RERE: variants seen among roughly 807,000 people sequenced by gnomAD.
The protein encoded by RERE is arginine-glutamic acid dipeptide repeats protein.
A neutral mutation model predicts 146.1 loss-of-function variants in RERE; 40 were observed. The ratio of observed to expected loss-of-function variants is 0.27; its 90% CI spans 0.21 to 0.36. The LOEUF (loss-of-function observed/expected upper bound fraction) is 0.36, where lower values mean the gene tolerates loss of function less well. Among genes scored for constraint, RERE ranks in the 10% least tolerant of loss-of-function variants. The pLI, the probability that RERE is intolerant of heterozygous loss-of-function variation, is 1.00. For synonymous variants in RERE, 1,003 were observed against 866.0 expected (o/e 1.16, Z -2.78); for missense variants, 1,933 against 2,138.7 (o/e 0.90, Z 1.90).
At chr1:8,795,450 A>C (rs566854077) in intron 1 of RERE, among the ~76,000 whole-genome samples, 3 of 152,142 alleles carry the variant, frequency 2.0e-5, no homozygotes. Context: ...GACATGCCAC[A>C]TATCCAGCAT....
At chr1:8,724,894 C>G (rs1305150382) in intron 1 of RERE, among the ~76,000 whole-genome samples, 1 of 96,536 alleles carries the variant, frequency 1.0e-5, no homozygotes, top group Admixed American at 1.0e-4. Flanking sequence ...AAAAAAACAA[C>G]TCAACCTTCT....
At chr1:8,672,877 C>T (rs888530357) in intron 1 of RERE, among the ~76,000 whole-genome samples, 1 of 152,088 alleles carries the variant, frequency 6.6e-6, no homozygotes, top group Non-Finnish European at 1.5e-5. Context: ...CAAACAAAAT[C>T]TTTAATACTA....
At chr1:8,582,084 A>G (rs1646373335) in intron 4 of RERE, among the ~76,000 whole-genome samples, 1 of 152,336 alleles carries the variant, frequency 6.6e-6, no homozygotes, top group Admixed American at 6.5e-5. Context: ...TAAAATGTAT[A>G]TAACAAAAAT....
At chr1:8,434,907 A>G (rs1247465449) in intron 11 of RERE, 2 of 152,188 alleles carry the variant, frequency 1.3e-5, no homozygotes, top group Admixed American at 1.3e-4. Flanking sequence ...ACCTCCTATC[A>G]CTTGACTGCA....
intron 8 of RERE, among the ~76,000 whole-genome samples, chr1:8,503,063 G>T (rs1645199428): frequency 6.7e-6 from 1 of 148,384 alleles, no homozygotes; most frequent in Admixed American, 6.7e-5. Flanking sequence ...CCCTCTGCGA[G>T]AAACACCCAA....
At chr1:8,709,937 G>T (rs1639633762) in intron 1 of RERE, among the ~76,000 whole-genome samples, 1 of 152,108 alleles carries the variant, frequency 6.6e-6, no homozygotes, top group African/African-American at 2.4e-5. Flanking sequence ...TCTTATTCTG[G>T]TTTTTGTTGG....
At chr1:8,780,458 T>C (rs1470275360) in intron 1 of RERE, among the ~76,000 whole-genome samples, 1 of 152,222 alleles carries the variant, frequency 6.6e-6, no homozygotes, top group African/African-American at 2.4e-5. Flanking sequence ...CATCCATTTT[T>C]AACTCTAGGA....
chr1:8,495,013 C>T, intron 10 of RERE, 50 bp downstream of exon 10: 1 of 1,306,732 alleles, frequency 7.7e-7, no homozygotes. Context: ...ACAGCCAGTT[C>T]AGGGGAAAAA....
chr1:8,500,405 G>C (rs567145549), intron 8 of RERE, among the ~76,000 whole-genome samples: 7 of 152,372 alleles, frequency 4.6e-5, no homozygotes, highest in African/African-American at 1.7e-4. Context: ...TGGAGACGGG[G>C]TTTTGCTGTG....
At chr1:8,565,211 A>T (rs1348377048) in intron 4 of RERE, among the ~76,000 whole-genome samples, 1 of 152,122 alleles carries the variant, frequency 6.6e-6, no homozygotes, top group African/African-American at 2.4e-5. Flanking sequence ...TTGGTAAGAG[A>T]GTAAATTTCA....
At chr1:8,514,602 G>A (rs1645387660) in intron 7 of RERE, among the ~76,000 whole-genome samples, 1 of 151,958 alleles carries the variant, frequency 6.6e-6, no homozygotes, top group African/African-American at 2.4e-5. Context: ...GGTGGTGTGT[G>A]CCTGAATCCT....
intron 12 of RERE, among the ~76,000 whole-genome samples, chr1:8,381,739 G>C (rs1229203084): frequency 1.3e-5 from 2 of 152,216 alleles, no homozygotes; most frequent in African/African-American, 4.8e-5. Flanking sequence ...AGTGTGAAAT[G>C]AGAACAAGAG....
intron 8 of RERE, among the ~76,000 whole-genome samples, chr1:8,501,316 C>T (rs1570349757): frequency 8.2e-6 from 1 of 121,468 alleles, no homozygotes; most frequent in East Asian, 2.6e-4. Flanking sequence ...GCCAGCCGCC[C>T]CGTCCGGGAG....
chr1:8,358,855 T>C lies in RERE; in HGVS notation c.3680A>G (p.His1227Arg), dbSNP rs1223662718. ...TGGTGGCTCGAAGGATGGCCGCATG[T>C]GGCCAGGACCACTGAGCTGTGGGTC... ...LSDPQLSGPGHMRPSFEPPPT... is the reference protein window; with the variant it reads ...LSDPQLSGPGRMRPSFEPPPT... The change falls in exon 20 of 23, where the codon CAC becomes CGC. Residue 1227 changes from histidine (H) to arginine (R), a missense_variant. Transcript: ENST00000400908. 6.9e-6 allele frequency: 11 copies of C among 1,597,518 alleles called. No homozygotes were observed. Among genetic ancestry groups the C allele is most frequent in the Non-Finnish European group, 9.4e-6 (11 of 1,171,118 alleles).
chr1:8,360,342 G>A lies in RERE; in HGVS notation c.3165C>T (p.Thr1055=), dbSNP rs759250133. Residue 1055 remains threonine (T), a synonymous_variant, in exon 18 of 23, where the codon ACC becomes ACT. Coordinates refer to ENST00000400908, the MANE Select transcript of RERE (RefSeq NM_001042681.2). The stretch of plus-strand genomic sequence containing the variant: ...TGCCAGGTCCCGCCGGTGGGGTAGA[G>A]GTGGAGGGGCAGGTCGGAGGGGTGA... The part of the protein sequence containing the change: ...PPITPPTCPS[T]STPPAGPGTS... 37 of 1,511,920 alleles carry A rather than the reference G, an allele frequency of 2.4e-5. No individual in the cohort carries two copies. The highest frequency in any genetic ancestry group is 3.2e-5 in the Non-Finnish European group (36 of 1,127,670). The allele number at this position is 1,511,920 out of a possible 1,614,324, so 93.7% of individuals were successfully genotyped here.
At chr1:8,392,225 A>G (rs1268170340) in intron 12 of RERE, among the ~76,000 whole-genome samples, 1 of 152,254 alleles carries the variant, frequency 6.6e-6, no homozygotes, top group Non-Finnish European at 1.5e-5. Flanking sequence ...TACATGCTCA[A>G]GAGGTTTCAG....
At chr1:8,734,033 A>AG (rs34335895) in intron 1 of RERE, among the ~76,000 whole-genome samples, 35,961 of 152,132 alleles carry the variant, frequency 0.24, 4,369 homozygotes, top group Middle Eastern at 0.28. Flanking sequence ...GCTTGAACCC[A>AG]GAGGTGGAGG....
At chr1:8,501,207 G>C (rs1645144986) in intron 8 of RERE, among the ~76,000 whole-genome samples, 3 of 144,030 alleles carry the variant, frequency 2.1e-5, no homozygotes, top group Non-Finnish European at 3.1e-5. Flanking sequence ...GGAGGGAGGT[G>C]GGGGGGTCAG....
intron 4 of RERE, among the ~76,000 whole-genome samples, chr1:8,582,362 A>T (rs1570468215): frequency 6.7e-6 from 1 of 148,548 alleles, no homozygotes; most frequent in Non-Finnish European, 1.5e-5. Context: ...ATAGGTGTGT[A>T]TCACTGTGCC....
Sources: allele counts gnomAD v4.1 joint callset (sites outside exome capture counted in the v4.1 genomes callset), GRCh38; gene constraint gnomAD v4.1.1; transcripts MANE v1.5; gene names NCBI Gene and HGNC (gene_info 2026-07-23, HGNC 2026-07-21).